The following APBA2 variants were observed in gnomAD, a reference collection of about 807,000 sequenced individuals.
APBA2 encodes amyloid-beta A4 precursor protein-binding family A member 2.
In APBA2, 30 loss-of-function variants were observed where a neutral mutation model predicts 75.0. That is an observed-to-expected ratio of 0.40 (90% CI 0.30 to 0.54). The LOEUF is 0.54. APBA2 is among the 20% of genes least tolerant of loss of function. The pLI, the probability that APBA2 is intolerant of heterozygous loss-of-function variation, is 0.49. For missense variants in APBA2, 801 were observed against 1,016.1 expected (o/e 0.79, Z 2.88); for synonymous variants, 444 against 409.6 (o/e 1.08, Z -1.01).
At chr15:29,030,198 G>A (rs1307175363) in intron 3 of APBA2, among the ~76,000 whole-genome samples, 4 of 152,132 alleles carry the variant, frequency 2.6e-5, no homozygotes, top group African/African-American at 7.2e-5. Flanking sequence ...GGTGGCTCAC[G>A]CCTGTAATCC....
chr15:28,944,080 T>C (rs1334793830), intron 2 of APBA2, among the ~76,000 whole-genome samples: 2 of 152,166 alleles, frequency 1.3e-5, no homozygotes, highest in East Asian at 1.9e-4. Context: ...TGGCCCACTC[T>C]CCACTCTGCA....
In APBA2 at chr15:29,101,528, A is replaced by G. The variant is rs892179576; in HGVS notation, c.1339-71A>G. 9.3e-5 allele frequency: 143 copies of G among 1,532,324 alleles called. 1 individual carries two copies. The East Asian group carries it at 3.4e-3, about 37-fold the overall frequency. The allele number at this position is 1,532,324 out of a possible 1,614,324, so 94.9% of individuals were successfully genotyped here. On this transcript the variant is annotated intron_variant, in intron 9 of 14. Transcript: ENST00000683413. ...ATTACAGGCTTGAGCCACCATGCCC[A>G]GCCCTGGAGTACTTTTCAATGGATT... is the stretch of plus-strand genomic sequence containing the variant.
In APBA2 at chr15:29,046,693, G is replaced by A. The variant is rs1289447049; in HGVS notation, c.-40-7152G>A. ...GGCCATGAACCTGCACACTCTCCAG[G>A]TGGGCCTTGTGCCCACCAAAGTGAG... On this transcript the variant is annotated intron_variant, in intron 3 of 14. Coordinates refer to ENST00000683413, the MANE Select transcript of APBA2 (RefSeq NM_001353788.2). This position sits in a 1 kb window ranked among gnomAD's most constrained non-coding sequence, Gnocchi z 5.0. Among the ~76,000 whole-genome samples the A allele has an allele frequency of 3.3e-5, 5 of 152,226 alleles. No individual in the cohort carries two copies. The highest frequency in any genetic ancestry group is 7.3e-5 in the Non-Finnish European group (5 of 68,042).
At chr15:28,895,225 A>G (rs1439219000) in intron 1 of APBA2, among the ~76,000 whole-genome samples, 1 of 152,180 alleles carries the variant, frequency 6.6e-6, no homozygotes, top group Admixed American at 6.5e-5. Context: ...TCCAGTGTGC[A>G]GGGGTGTGGG....
At position 29,053,959 on chromosome 15, in the gene APBA2, C is replaced by T. The variant is rs1213492140; in HGVS notation, c.75C>T (p.His25=). ...DHRVRPGPVP[H]SQEPESEDME... ...GGGTGAGACCAGGTCCTGTCCCTCA[C>T]AGCCAGGAGCCCGAGAGCGAGGACA... is the stretch of plus-strand genomic sequence containing the variant. Residue 25 remains histidine, a synonymous_variant, in exon 4 of 15, where the codon CAC becomes CAT. Coordinates refer to ENST00000683413, the MANE Select transcript of APBA2 (RefSeq NM_001353788.2). The T allele has an allele frequency of 1.9e-6, 3 of 1,614,116 alleles. No individual in the cohort carries two copies. Among genetic ancestry groups the T allele is most frequent in the Non-Finnish European group, 8.5e-7 (1 of 1,180,016 alleles).
intron 14 of APBA2, among the ~76,000 whole-genome samples, chr15:29,114,371 C>G (rs2044927308): frequency 1.3e-5 from 2 of 152,244 alleles, no homozygotes; most frequent in African/African-American, 2.4e-5. Flanking sequence ...CACAGCCAGG[C>G]TGCTTGCCCT....
At chr15:29,086,175 C>T (rs955806461) in intron 6 of APBA2, among the ~76,000 whole-genome samples, 7 of 152,196 alleles carry the variant, frequency 4.6e-5, no homozygotes, top group Non-Finnish European at 7.3e-5. Context: ...CAGAGGCCCA[C>T]GTGGCACAGG....
intron 1 of APBA2, among the ~76,000 whole-genome samples, chr15:28,899,473 G>T (rs2032718592): frequency 6.6e-6 from 1 of 152,242 alleles, no homozygotes; most frequent in Non-Finnish European, 1.5e-5. Flanking sequence ...GGGCCACAGT[G>T]TGCTTGAGTG....
intron 3 of APBA2, among the ~76,000 whole-genome samples, chr15:29,036,296 T>C (rs1019655029): frequency 6.6e-6 from 1 of 152,214 alleles, no homozygotes; most frequent in Non-Finnish European, 1.5e-5. Context: ...CAGGTATTTC[T>C]TGGGGAAGAA....
At chr15:28,915,133 TATATACCAC>T (rs2033617714) in intron 1 of APBA2, among the ~76,000 whole-genome samples, 1 of 5,276 alleles carries the variant, frequency 1.9e-4, no homozygotes. Context: ...ACTTAACCCA[TATATACCAC>T]ACACATACCC....
In APBA2 at chr15:28,902,080, A is replaced by AG. The variant is rs1400550581; in HGVS notation, c.-205+15808dup. Reference sequence around the variant, plus strand: ...GGGGCTCATAAAAACCCGAAGGTAAAGGGGGGTGCATTTCCATCCTCGCTC... The same window carrying AG: ...GGGGCTCATAAAAACCCGAAGGTAAAGGGGGGGTGCATTTCCATCCTCGCTC... On this transcript the variant is annotated intron_variant, in intron 1 of 14. Coordinates refer to ENST00000683413, the MANE Select transcript of APBA2 (RefSeq NM_001353788.2). Among the ~76,000 whole-genome samples, 14 of 151,450 alleles carry AG rather than the reference A, an allele frequency of 9.2e-5. No homozygotes were observed. The East Asian group carries it at 2.5e-3, about 27-fold the overall frequency.
intron 2 of APBA2, among the ~76,000 whole-genome samples, chr15:28,980,632 G>C (rs1387451753): frequency 6.6e-6 from 1 of 152,202 alleles, no homozygotes; most frequent in African/African-American, 2.4e-5. Flanking sequence ...GCAATTGACA[G>C]ATTCAGTGCT....
intron 3 of APBA2, among the ~76,000 whole-genome samples, chr15:29,005,219 C>G (rs927408439): frequency 3.9e-5 from 6 of 152,302 alleles, no homozygotes; most frequent in African/African-American, 1.4e-4. Flanking sequence ...CTTGATCTCT[C>G]TAAGCCTTGA....
intron 2 of APBA2, among the ~76,000 whole-genome samples, chr15:28,940,339 C>T (rs1219260633): frequency 1.3e-4 from 17 of 130,364 alleles, no homozygotes; most frequent in Non-Finnish European, 2.4e-4. Flanking sequence ...AGTGAAACCC[C>T]GTCTCTACTA....
chr15:28,888,287 C>T (rs1321608503), intron 1 of APBA2, among the ~76,000 whole-genome samples: 2 of 152,122 alleles, frequency 1.3e-5, no homozygotes, highest in East Asian at 1.9e-4. Flanking sequence ...CTGATCACAC[C>T]CCTGGAAGCT....
intron 2 of APBA2, among the ~76,000 whole-genome samples, chr15:28,935,758 C>T (rs1566815209): frequency 6.6e-6 from 1 of 152,172 alleles, no homozygotes; most frequent in Non-Finnish European, 1.5e-5. Context: ...GGGGCAAGGG[C>T]CAGTGAGTTT....
chr15:28,930,689 G>A (rs1208466649), intron 2 of APBA2, among the ~76,000 whole-genome samples: 1 of 152,096 alleles, frequency 6.6e-6, no homozygotes, highest in East Asian at 1.9e-4. Context: ...GCACTTCTGG[G>A]GTCCAGCAGA....
chr15:29,106,561 T>A (rs756720638), intron 11 of APBA2, 46 bp from the exon 12 acceptor site: 2 of 1,607,758 alleles, frequency 1.2e-6, no homozygotes, highest in Non-Finnish European at 1.7e-6. Context: ...GGCAGAGGCC[T>A]CGGTCCTTGC....
At chr15:28,947,400 T>G (rs1055290581) in intron 2 of APBA2, among the ~76,000 whole-genome samples, 4 of 152,116 alleles carry the variant, frequency 2.6e-5, no homozygotes, top group African/African-American at 2.4e-5. Context: ...GGAGTATCCT[T>G]GAGAGGCTGT....
Sources: gnomAD v4.1 joint callset for allele counts (sites outside exome capture counted in the v4.1 genomes callset) on GRCh38, gnomAD v4.1.1 for gene constraint, Gnocchi (gnomAD v3.1) non-coding constraint, MANE v1.5 for transcripts, NCBI Gene and HGNC (gene_info 2026-07-23, HGNC 2026-07-21) for gene names.